The following RUBCNL variants were observed in gnomAD, a reference collection of about 807,000 sequenced individuals.
RUBCNL encodes protein associated with UVRAG as autophagy enhancer.
RUBCNL carries 62 observed loss-of-function variants against 69.5 expected under a neutral mutation model. The ratio of observed to expected loss-of-function variants is 0.89; its 90% CI spans 0.73 to 1.10. The LOEUF (loss-of-function observed/expected upper bound fraction) is 1.10, where lower values mean the gene tolerates loss of function less well. RUBCNL is among the 50% of genes least tolerant of loss of function. RUBCNL has a pLI of 0.00. For missense variants in RUBCNL, 768 were observed against 798.1 expected (o/e 0.96, Z 0.45); for synonymous variants, 291 against 303.6 (o/e 0.96, Z 0.43).
chr13:46,351,828 CTT>C (rs57329384), intron 10 of RUBCNL, among the ~76,000 whole-genome samples: 10 of 129,764 alleles, frequency 7.7e-5, no homozygotes, highest in East Asian at 4.5e-4. Context: ...GCTCTTTACA[CTT>C]TTTTTTTTTT....
chr13:46,336,373 C>T lies in RUBCNL; in HGVS notation c.*7012G>A, dbSNP rs1057052531. On this transcript the variant is annotated 3_prime_UTR_variant, in exon 15 of 15. Coordinates refer to ENST00000429979, the MANE Select transcript of RUBCNL (RefSeq NM_025113.5). ...CATTACTCTTAAAAGTTGTATAGTA[C>T]TGATCTCATTTATCATCTGTAATTT... 6.6e-6 allele frequency among the ~76,000 whole-genome samples: 1 copy of T among 152,098 alleles called. No homozygotes were observed. The highest frequency in any genetic ancestry group is 2.4e-5 in the African/African-American group (1 of 41,402).
Position 46,359,478 on chromosome 13 carries a change from ATACT to A in RUBCNL, c.1265+4_1265+7del, listed in dbSNP as rs760335054. ...GGATTGGAGGCCCAAGCAACAGCCC[ATACT>A]TACTTGAGTGGTGGATGAATATTAA... On this transcript the variant is annotated splice_donor_5th_base_variant and intron_variant, in intron 9 of 14. Coordinates refer to ENST00000429979, the MANE Select transcript of RUBCNL (RefSeq NM_025113.5). 10 of 1,603,892 alleles carry A rather than the reference ATACT, an allele frequency of 6.2e-6. No individual in the cohort carries two copies. The highest frequency in any genetic ancestry group is 8.5e-6 in the Non-Finnish European group (10 of 1,175,190).
chr13:46,348,158 T>C (rs758133589), intron 12 of RUBCNL, among the ~76,000 whole-genome samples: 8 of 152,152 alleles, frequency 5.3e-5, no homozygotes, highest in Non-Finnish European at 8.8e-5. Context: ...AGTAGAATAG[T>C]GGCTGCCAGG....
intron 12 of RUBCNL, among the ~76,000 whole-genome samples, chr13:46,348,984 T>C (rs1482069459): frequency 6.6e-6 from 1 of 152,190 alleles, no homozygotes; most frequent in Non-Finnish European, 1.5e-5. Context: ...TTTTGCTCCT[T>C]GTTCACTTTC....
intron 12 of RUBCNL, among the ~76,000 whole-genome samples, chr13:46,347,120 T>C (rs573435861): frequency 6.6e-6 from 1 of 152,226 alleles, no homozygotes; most frequent in African/African-American, 2.4e-5. Context: ...AGACTTTTAA[T>C]GCCTTTTCTT....
rs1344955882 is a variant in RUBCNL at position 46,335,257 on chromosome 13, GTTGTTTTTTTTTTTTT to G, written c.*8112_*8127del. 1.0e-5 allele frequency among the ~76,000 whole-genome samples: 1 copy of G among 98,590 alleles called. No individual in the cohort carries two copies. The highest frequency in any genetic ancestry group is 2.0e-5 in the Non-Finnish European group (1 of 49,702). 64.7% of individuals were successfully genotyped at this position (98,590 alleles called of 152,430 possible). A position where few individuals can be genotyped will look rare whatever the true frequency, so the allele number is the denominator to read the frequency against. On this transcript the variant is annotated 3_prime_UTR_variant, in exon 15 of 15. Transcript: ENST00000429979. ...TTTGTGTCTTTTTGTTGTTGTTGTT[GTTGTTTTTTTTTTTTT>G]TTTTTTTTTTTTAAGAGACAGGGTC...
In RUBCNL at chr13:46,343,361, T is replaced by C. The variant is rs924305179; in HGVS notation, c.*24A>G. The C allele has an allele frequency of 6.2e-7, 1 of 1,608,890 alleles. No homozygotes were observed. Among genetic ancestry groups the C allele is most frequent in the Non-Finnish European group, 8.5e-7 (1 of 1,177,178 alleles). On this transcript the variant is annotated 3_prime_UTR_variant, in exon 15 of 15. Transcript: ENST00000429979. ...TGTTATCATAAGGCATGTTGAACAG[T>C]CTTTTTCACAGTACTCAGGGGCATC...
chr13:46,352,066 G>A (rs763668312), intron 10 of RUBCNL, among the ~76,000 whole-genome samples: 6 of 152,144 alleles, frequency 3.9e-5, no homozygotes, highest in Non-Finnish European at 8.8e-5. Flanking sequence ...GACCTCAAGT[G>A]ATCCACTCAT....
At chr13:46,372,651 C>T in intron 2 of RUBCNL, 54 bp from the exon 3 acceptor site, 3 of 1,412,856 alleles carry the variant, frequency 2.1e-6, no homozygotes, top group South Asian at 1.6e-5. Flanking sequence ...TGTATTTTGG[C>T]TACAAATTAT....
intron 3 of RUBCNL, among the ~76,000 whole-genome samples, chr13:46,370,188 C>T (rs866373772): frequency 1.6e-4 from 25 of 152,144 alleles, no homozygotes; most frequent in African/African-American, 5.6e-4. Flanking sequence ...TGTGCCTCTG[C>T]ATCAAAACGC....
At position 46,349,364 on chromosome 13, in the gene RUBCNL, A is replaced by C; in HGVS notation, c.1570-17T>G. The C allele has an allele frequency of 1.2e-6, 2 of 1,609,802 alleles. No homozygotes were observed. The highest frequency in any genetic ancestry group is 1.7e-6 in the Non-Finnish European group (2 of 1,176,188). On this transcript the variant is annotated splice_polypyrimidine_tract_variant and intron_variant, in intron 11 of 14. Coordinates refer to ENST00000429979, the MANE Select transcript of RUBCNL (RefSeq NM_025113.5). ...CTGAATTTCCTAATGGGAGAAACCA[A>C]ACACGGGGAAAAGTTAAATGTAATA...
chr13:46,372,302 A>G lies in RUBCNL; in HGVS notation c.174T>C (p.Asp58=). 6.2e-7 allele frequency: 1 copy of G among 1,614,030 alleles called. No individual in the cohort carries two copies. The highest frequency in any genetic ancestry group is 8.5e-7 in the Non-Finnish European group (1 of 1,179,898). The part of the protein sequence containing the change: ...RHKAVWINPQ[D]VQQQPQDLQS... ...GCAAGTCCTGCGGCTGTTGCTGCAC[A>G]TCCTGGGGGTTAATCCAGACAGCTT... The change falls in exon 3 of 15, where the codon GAT becomes GAC. Residue 58 remains aspartate (D), a synonymous_variant. Coordinates refer to ENST00000429979, the MANE Select transcript of RUBCNL (RefSeq NM_025113.5).
intron 8 of RUBCNL, 70 bp from the exon 9 acceptor site, chr13:46,359,701 C>G (rs1360749839): frequency 5.2e-6 from 7 of 1,336,608 alleles, no homozygotes; most frequent in African/African-American, 1.5e-5. Context: ...AAAGAAACAT[C>G]TAAATGTATT....
At chr13:46,367,013 T>G (rs2048771893) in intron 5 of RUBCNL, among the ~76,000 whole-genome samples, 1 of 152,168 alleles carries the variant, frequency 6.6e-6, no homozygotes, top group East Asian at 1.9e-4. Context: ...AGGTGTATAG[T>G]AGGTTAAATC....
chr13:46,372,308 G>A lies in RUBCNL; in HGVS notation c.168C>T (p.Pro56=). Residue 56 remains proline, a synonymous_variant, in exon 3 of 15, where the codon CCC becomes CCT. Transcript: ENST00000429979. ...LMRHKAVWIN[P]QDVQQQPQDL... ...CCTGCGGCTGTTGCTGCACATCCTG[G>A]GGGTTAATCCAGACAGCTTTGTGCC... The A allele has an allele frequency of 6.2e-7, 1 of 1,613,986 alleles. No individual in the cohort carries two copies. Among genetic ancestry groups the A allele is most frequent in the Non-Finnish European group, 8.5e-7 (1 of 1,179,892 alleles).
intron 3 of RUBCNL, among the ~76,000 whole-genome samples, chr13:46,369,653 G>T (rs2048835375): frequency 6.6e-6 from 1 of 152,156 alleles, no homozygotes. Flanking sequence ...TGCACCCTTA[G>T]CCACTCCATT....
At position 46,341,017 on chromosome 13, in the gene RUBCNL, T is replaced by A. The variant is rs2048138268; in HGVS notation, c.*2368A>T. ...GGCATATTTGGGATCTAATCTGAAG[T>A]TGTGGCCAATAATTCTCACCCAGGT... On this transcript the variant is annotated 3_prime_UTR_variant, in exon 15 of 15. Coordinates refer to ENST00000429979, the MANE Select transcript of RUBCNL (RefSeq NM_025113.5). Among the ~76,000 whole-genome samples the A allele has an allele frequency of 6.6e-6, 1 of 152,178 alleles. No individual in the cohort carries two copies. Among genetic ancestry groups the A allele is most frequent in the African/African-American group, 2.4e-5 (1 of 41,434 alleles).
intron 5 of RUBCNL, among the ~76,000 whole-genome samples, chr13:46,365,222 G>A (rs2048723463): frequency 6.9e-6 from 1 of 144,388 alleles, no homozygotes; most frequent in Non-Finnish European, 1.5e-5. Flanking sequence ...AGAATGGTTT[G>A]AACATGGGAG....
chr13:46,367,141 G>T (rs1405188411), intron 5 of RUBCNL, among the ~76,000 whole-genome samples: 5 of 152,302 alleles, frequency 3.3e-5, no homozygotes, highest in Admixed American at 2.6e-4. Flanking sequence ...CGTCCCTCGG[G>T]GAAGAGCCCC....
Sources: gnomAD v4.1 joint callset for allele counts (sites outside exome capture counted in the v4.1 genomes callset) on GRCh38, gnomAD v4.1.1 for gene constraint, MANE v1.5 for transcripts, NCBI Gene and HGNC (gene_info 2026-07-23, HGNC 2026-07-21) for gene names.